ASPRV1: variants seen among roughly 807,000 people sequenced by gnomAD.
ASPRV1 encodes retroviral-like aspartic protease 1.
A neutral mutation model predicts 11.0 loss-of-function variants in ASPRV1; 7 were observed. That is an observed-to-expected ratio of 0.64 (90% CI 0.36 to 1.20). The LOEUF is 1.20. Ranked by LOEUF, ASPRV1 falls within the 50% of genes most tolerant of loss-of-function variation. The pLI, the probability that ASPRV1 is intolerant of heterozygous loss-of-function variation, is 0.02. For missense variants in ASPRV1, 299 were observed against 320.0 expected, an observed-to-expected ratio of 0.93 and a Z score of 0.50; for synonymous variants, 136 against 138.4, an observed-to-expected ratio of 0.98 and a Z score of 0.12.
At chr2:70,017,076 C>T in the ASPRV1 span, among the ~76,000 whole-genome samples, 1 of 152,068 alleles carries the variant, frequency 6.6e-6, no homozygotes. Context: ...CTGCAAGCTC[C>T]GCCTCCCGGG....
the ASPRV1 span, among the ~76,000 whole-genome samples, chr2:70,084,011 C>G: frequency 6.6e-6 from 1 of 152,110 alleles, no homozygotes; most frequent in East Asian, 1.9e-4. Context: ...CCCCAAGACA[C>G]ATTACAATTT....
upstream of ASPRV1, chr2:69,962,655 G>A (rs1233960490): frequency 1.3e-5 from 2 of 155,850 alleles, no homozygotes; most frequent in African/African-American, 4.8e-5. Context: ...GCCTGACTTG[G>A]GGCTGTGCAG....
At chr2:70,004,528 C>CAAAAA in the ASPRV1 span, among the ~76,000 whole-genome samples, 24 of 54,538 alleles carry the variant, frequency 4.4e-4, no homozygotes, top group East Asian at 9.4e-4. Flanking sequence ...AACTCCATCT[C>CAAAAA]AAAAAAAAAA....
At chr2:69,948,074 C>A in the ASPRV1 span, among the ~76,000 whole-genome samples, 276 of 143,546 alleles carry the variant, frequency 1.9e-3, no homozygotes, top group African/African-American at 6.9e-3. Flanking sequence ...AGAGGGAGAC[C>A]CCGTCTCTCA....
At chr2:69,973,585 C>A in the ASPRV1 span, among the ~76,000 whole-genome samples, 3 of 152,184 alleles carry the variant, frequency 2.0e-5, no homozygotes. Context: ...TGGCCTCGAG[C>A]AATCCTCCCG....
At chr2:70,011,454 A>AAG in the ASPRV1 span, among the ~76,000 whole-genome samples, 2 of 152,002 alleles carry the variant, frequency 1.3e-5, no homozygotes, top group African/African-American at 2.4e-5. Flanking sequence ...AGATTGGGAA[A>AAG]ATGTTTAGGA....
the ASPRV1 span, among the ~76,000 whole-genome samples, chr2:69,935,739 G>A: frequency 6.6e-6 from 1 of 152,088 alleles, no homozygotes; most frequent in Non-Finnish European, 1.5e-5. Context: ...CATATATCTA[G>A]GCCATCTCCA....
At chr2:70,073,533 T>G in the ASPRV1 span, among the ~76,000 whole-genome samples, 1 of 152,094 alleles carries the variant, frequency 6.6e-6, no homozygotes, top group Non-Finnish European at 1.5e-5. Flanking sequence ...TTAACGATAC[T>G]TAACGATACT....
the ASPRV1 span, among the ~76,000 whole-genome samples, chr2:69,969,667 C>T: frequency 6.6e-6 from 1 of 152,134 alleles, no homozygotes; most frequent in Non-Finnish European, 1.5e-5. Flanking sequence ...CCCCAGCTGC[C>T]CACCTTACAT....
chr2:70,007,450 G>A, the ASPRV1 span, among the ~76,000 whole-genome samples: 1 of 152,132 alleles, frequency 6.6e-6, no homozygotes, highest in African/African-American at 2.4e-5. Flanking sequence ...CCCTGGAGGC[G>A]CAGGTTGTGG....
the ASPRV1 span, among the ~76,000 whole-genome samples, chr2:70,001,674 C>T: frequency 1.3e-5 from 2 of 152,058 alleles, no homozygotes; most frequent in South Asian, 2.1e-4. Context: ...GCAGGAGAAT[C>T]GCTTAAGCCC....
At chr2:70,014,453 C>T in the ASPRV1 span, 1 of 152,022 alleles carries the variant, frequency 6.6e-6, no homozygotes, top group Non-Finnish European at 1.5e-5. Flanking sequence ...AAAAAGGAGA[C>T]ATATGGGACT....
At chr2:69,949,649 G>A in the ASPRV1 span, among the ~76,000 whole-genome samples, 1 of 152,208 alleles carries the variant, frequency 6.6e-6, no homozygotes, top group Non-Finnish European at 1.5e-5. Context: ...TTTTAATGCA[G>A]CATGAAGGTG....
chr2:69,946,841 T>C, the ASPRV1 span, among the ~76,000 whole-genome samples: 1 of 152,142 alleles, frequency 6.6e-6, no homozygotes. Context: ...GTATCTCACC[T>C]ATGTGCTGTT....
chr2:69,989,579 C>T, the ASPRV1 span, among the ~76,000 whole-genome samples: 4 of 152,334 alleles, frequency 2.6e-5, no homozygotes, highest in East Asian at 5.8e-4. Flanking sequence ...CCAGTCCCGG[C>T]GCTCATTTGG....
the ASPRV1 span, among the ~76,000 whole-genome samples, chr2:70,073,554 T>A: frequency 1.3e-5 from 2 of 152,162 alleles, no homozygotes; most frequent in South Asian, 4.1e-4. Flanking sequence ...TTGTTAAGTA[T>A]TTAAAACAGT....
At chr2:70,005,930 C>T in the ASPRV1 span, among the ~76,000 whole-genome samples, 5 of 152,322 alleles carry the variant, frequency 3.3e-5, no homozygotes, top group East Asian at 9.6e-4. Context: ...TGGGGGAGAG[C>T]CATGTGCTGG....
the ASPRV1 span, among the ~76,000 whole-genome samples, chr2:69,987,516 C>A: frequency 9.6e-5 from 14 of 145,632 alleles, no homozygotes; most frequent in Admixed American, 6.5e-4. Flanking sequence ...GAGGCCAAGG[C>A]AGGAGGATCA....
the ASPRV1 span, among the ~76,000 whole-genome samples, chr2:70,006,347 T>C: frequency 3.9e-5 from 6 of 152,086 alleles, no homozygotes; most frequent in Non-Finnish European, 7.4e-5. Flanking sequence ...TGGGGCCCCC[T>C]ACGGTTAGGT....
Sources: gnomAD v4.1 joint callset for allele counts (sites outside exome capture counted in the v4.1 genomes callset) on GRCh38, gnomAD v4.1.1 for gene constraint, MANE v1.5 for transcripts, NCBI Gene and HGNC (gene_info 2026-07-23, HGNC 2026-07-21) for gene names.